The following OPCML variants were observed in gnomAD, a reference collection of about 807,000 sequenced individuals.
OPCML encodes opioid binding protein/cell adhesion molecule like, also known as opioid-binding protein/cell adhesion molecule.
In OPCML, 13 loss-of-function variants were observed where a neutral mutation model predicts 37.8. That is an observed-to-expected ratio of 0.34 (90% confidence interval 0.22 to 0.55). The LOEUF is 0.55. OPCML is among the 20% of genes least tolerant of loss of function. The probability of loss-of-function intolerance (pLI) is 0.91; values close to 1 mark genes in which losing one functional copy is unlikely to be tolerated. For synonymous variants in OPCML, 176 were observed against 168.8 expected (o/e 1.04, Z -0.33); for missense variants, 341 against 435.6 (o/e 0.78, Z 1.93).
chr11:132,845,259 T>G (rs1272698997), intron 2 of OPCML, among the ~76,000 whole-genome samples: 1 of 152,168 alleles, frequency 6.6e-6, no homozygotes, highest in East Asian at 1.9e-4. Flanking sequence ...AGCACTTGAA[T>G]TTCTGCAAGT....
chr11:132,598,800 C>A (rs1327373755), intron 3 of OPCML, among the ~76,000 whole-genome samples: 1 of 152,104 alleles, frequency 6.6e-6, no homozygotes, highest in Admixed American at 6.5e-5. Flanking sequence ...TATTTGTGAG[C>A]ATCTTCTAGT....
intron 2 of OPCML, among the ~76,000 whole-genome samples, chr11:132,674,430 T>C (rs1942614722): frequency 6.6e-6 from 1 of 152,154 alleles, no homozygotes; most frequent in African/African-American, 2.4e-5. Context: ...TTTGGCAGGG[T>C]GAACAGCCCC....
chr11:133,414,258 G>C (rs1365702044), intron 1 of OPCML, among the ~76,000 whole-genome samples: 1 of 152,034 alleles, frequency 6.6e-6, no homozygotes. Flanking sequence ...CCTAAAACAT[G>C]TATATACGTG....
chr11:133,419,102 T>G, intron 1 of OPCML: 2 of 344,470 alleles, frequency 5.8e-6, no homozygotes, highest in Non-Finnish European at 8.2e-6. Context: ...GAAACTGATT[T>G]GAGTAATAAC....
chr11:132,890,682 T>TAAA (rs368939079), intron 2 of OPCML, among the ~76,000 whole-genome samples: 1 of 134,240 alleles, frequency 7.4e-6, no homozygotes, highest in Non-Finnish European at 1.6e-5. Flanking sequence ...CTGTCTCTAC[T>TAAA]AAAAAAAAAA....
At chr11:133,232,671 C>T (rs1021053759) in intron 1 of OPCML, among the ~76,000 whole-genome samples, 1 of 152,128 alleles carries the variant, frequency 6.6e-6, no homozygotes, top group Admixed American at 6.5e-5. Context: ...GGTGAGAAGA[C>T]ATTGTGACAT....
intron 1 of OPCML, among the ~76,000 whole-genome samples, chr11:133,073,424 A>G (rs74388806): frequency 6.6e-6 from 1 of 152,376 alleles, no homozygotes; most frequent in African/African-American, 2.4e-5. Context: ...GAGCAGTGCC[A>G]AAGGGCTCTC....
At chr11:133,140,814 C>CGAA (rs1325372441) in intron 1 of OPCML, among the ~76,000 whole-genome samples, 7 of 70,812 alleles carry the variant, frequency 9.9e-5, no homozygotes, top group African/African-American at 3.9e-4. Context: ...AAGACGACGA[C>CGAA]GAAGAAGAAG....
intron 1 of OPCML, among the ~76,000 whole-genome samples, chr11:133,108,141 C>T (rs1423497019): frequency 6.6e-6 from 1 of 152,116 alleles, no homozygotes; most frequent in Non-Finnish European, 1.5e-5. Flanking sequence ...AAGAAATAAG[C>T]CTTGGAAAAG....
chr11:133,268,885 C>T (rs1293248109), intron 1 of OPCML, among the ~76,000 whole-genome samples: 2 of 152,142 alleles, frequency 1.3e-5, no homozygotes, highest in Non-Finnish European at 2.9e-5. Flanking sequence ...GCAGGTTTTG[C>T]CCATCATACT....
At chr11:132,893,259 C>T (rs942074708) in intron 2 of OPCML, among the ~76,000 whole-genome samples, 10 of 152,152 alleles carry the variant, frequency 6.6e-5, no homozygotes, top group African/African-American at 2.2e-4. Context: ...AAGACTCCGT[C>T]TCAAAACAAA....
chr11:133,189,693 G>T (rs1001681866), intron 1 of OPCML, among the ~76,000 whole-genome samples: 1 of 152,128 alleles, frequency 6.6e-6, no homozygotes, highest in Non-Finnish European at 1.5e-5. Flanking sequence ...CATTGTATCT[G>T]CTGGCCACTT....
In OPCML at chr11:133,458,531, G is replaced by GTA. The variant is rs1334277973; in HGVS notation, c.61+73731_61+73732dup. 2.1e-3 allele frequency among the ~76,000 whole-genome samples: 197 copies of GTA among 91,704 alleles called. 9 individuals carry two copies. The highest frequency in any genetic ancestry group is 3.2e-3 in the African/African-American group (27 of 8,368). 60.2% of individuals were successfully genotyped at this position (91,704 alleles called of 152,430 possible). On this transcript the variant is annotated intron_variant, in intron 1 of 7. Coordinates refer to ENST00000524381, the MANE Select transcript of OPCML (RefSeq NM_001012393.5). The stretch of plus-strand genomic sequence containing the variant: ...ATATACACATATATACACTGTGTGT[G>GTA]TATACACATATATACACGTGTGTGT...
intron 1 of OPCML, among the ~76,000 whole-genome samples, chr11:133,260,983 A>G (rs1941477554): frequency 6.6e-6 from 1 of 152,208 alleles, no homozygotes; most frequent in Admixed American, 6.5e-5. Context: ...GCATCTCCGA[A>G]GTGCAGCTCC....
intron 1 of OPCML, among the ~76,000 whole-genome samples, chr11:133,181,946 A>G (rs1241705204): frequency 6.6e-6 from 1 of 152,102 alleles, no homozygotes; most frequent in Non-Finnish European, 1.5e-5. Context: ...TTCTCTTCCA[A>G]TCTGCCTTCA....
intron 1 of OPCML, among the ~76,000 whole-genome samples, chr11:133,396,259 A>C (rs962670041): frequency 6.6e-6 from 1 of 152,104 alleles, no homozygotes; most frequent in Non-Finnish European, 1.5e-5. Flanking sequence ...TATACAAATA[A>C]ATTATTTGTA....
intron 4 of OPCML, among the ~76,000 whole-genome samples, chr11:132,452,298 G>A (rs953098569): frequency 2.6e-5 from 4 of 152,068 alleles, no homozygotes; most frequent in African/African-American, 9.7e-5. Flanking sequence ...ACGGAGGTGG[G>A]TGGGCACCAA....
intron 1 of OPCML, among the ~76,000 whole-genome samples, chr11:132,990,276 C>T (rs1045740431): frequency 9.2e-5 from 14 of 152,294 alleles, no homozygotes; most frequent in African/African-American, 2.6e-4. Context: ...GTTAGCTGTG[C>T]GTAACTCAGA....
At chr11:133,289,409 A>C (rs997724074) in intron 1 of OPCML, among the ~76,000 whole-genome samples, 11 of 151,610 alleles carry the variant, frequency 7.3e-5, no homozygotes, top group East Asian at 2.0e-4. Flanking sequence ...TCCCGGCTAA[A>C]ACGGTGAAAC....
Sources: allele counts gnomAD v4.1 joint callset (sites outside exome capture counted in the v4.1 genomes callset), GRCh38; gene constraint gnomAD v4.1.1; transcripts MANE v1.5; gene names NCBI Gene and HGNC (gene_info 2026-07-23, HGNC 2026-07-21).